The following ADGRL1 variants were observed in gnomAD, a reference collection of about 807,000 sequenced individuals.
The protein encoded by ADGRL1 is adhesion G protein-coupled receptor L1, also known as CIRL-1.
A neutral mutation model predicts 148.9 loss-of-function variants in ADGRL1; 31 were observed. The observed-to-expected ratio is 0.21, with a 90% CI of 0.16 to 0.28. ADGRL1 has a LOEUF of 0.28. Among genes scored for constraint, ADGRL1 ranks in the 10% least tolerant of loss-of-function variants. The pLI is 1.00. For synonymous variants in ADGRL1, 937 were observed against 900.3 expected (o/e 1.04, Z -0.73); for missense variants, 1,521 against 2,058.8 (o/e 0.74, Z 5.05).
intron 1 of ADGRL1, chr19:14,191,229 T>A: frequency 2.2e-6 from 1 of 456,712 alleles, no homozygotes. Flanking sequence ...TCTGTGTCCC[T>A]CAGACTCAGA....
At chr19:14,201,697 T>C (rs1972624717) in intron 1 of ADGRL1, among the ~76,000 whole-genome samples, 1 of 152,088 alleles carries the variant, frequency 6.6e-6, no homozygotes, top group Non-Finnish European at 1.5e-5. Flanking sequence ...TTTACAGGTG[T>C]GAGTCACCAC....
chr19:14,161,473 G>C lies in ADGRL1; in HGVS notation c.1349C>G (p.Pro450Arg). ...GCTGGGGACTGGGGCTGTGGCTGGA[G>C]GCAGATCAGGTCCCAGCTGGTTGAT... ...GAINQLGPDLPPATAPVPSTR... is the reference protein window; with the variant it reads ...GAINQLGPDLRPATAPVPSTR... Residue 450 changes from proline (P) to arginine (R), a missense_variant, in exon 6 of 23, where the codon CCT (proline) becomes CGT (arginine). By Grantham distance (103) the Pro-to-Arg change is moderately radical. Around this residue, in one of 8 missense-constraint regions of ADGRL1, gnomAD observed 270 missense variants for 320.4 expected, o/e 0.84. Coordinates refer to ENST00000361434, the MANE Select transcript of ADGRL1 (RefSeq NM_014921.5). The surrounding 1 kb of genome is among the most constrained non-coding windows in gnomAD (Gnocchi z 4.4). 6.9e-7 allele frequency: 1 copy of C among 1,456,350 alleles called. No individual in the cohort carries two copies. 90.2% of individuals were successfully genotyped at this position (1,456,350 alleles called of 1,614,324 possible). A position where few individuals can be genotyped will look rare whatever the true frequency, so the allele number is the denominator to read the frequency against.
At chr19:14,185,053 G>T (rs1294426816) in intron 1 of ADGRL1, among the ~76,000 whole-genome samples, 1 of 152,036 alleles carries the variant, frequency 6.6e-6, no homozygotes, top group Non-Finnish European at 1.5e-5. Context: ...AAAACTTTGG[G>T]ATTACAGGAG....
intron 1 of ADGRL1, among the ~76,000 whole-genome samples, chr19:14,205,287 C>T (rs1972912553): frequency 6.6e-6 from 1 of 152,022 alleles, no homozygotes; most frequent in Admixed American, 6.5e-5. Flanking sequence ...CACGAATAAT[C>T]CGAGTGGATC....
rs1400293061 is a variant in ADGRL1, at chr19:14,155,541, G to A, written c.3126-14C>T. On this transcript the variant is annotated splice_polypyrimidine_tract_variant and intron_variant, in intron 17 of 22. Transcript: ENST00000361434. The surrounding 1 kb of genome is among the most constrained non-coding windows in gnomAD (Gnocchi z 5.0). The stretch of plus-strand genomic sequence containing the variant: ...AGCGCCCAGGATCTGGGAGTGGGGC[G>A]ACAGGGGAGTCAAAGTACCCGCCGG... 5.0e-6 allele frequency: 8 copies of A among 1,612,718 alleles called. No homozygotes were observed. Among genetic ancestry groups the A allele is most frequent in the African/African-American group, 4.0e-5 (3 of 75,044 alleles).
rs1968850987 is a variant in ADGRL1 at position 14,157,161 on chromosome 19, A to C, written c.2746-16T>G. On this transcript the variant is annotated splice_polypyrimidine_tract_variant and intron_variant, in intron 14 of 22. Coordinates refer to ENST00000361434, the MANE Select transcript of ADGRL1 (RefSeq NM_014921.5). This position sits in a 1 kb window ranked among gnomAD's most constrained non-coding sequence, Gnocchi z 7.5. Reference sequence around the variant, plus strand: ...GGCAGGCAATCTGCGGGGAGCACTGAGGGTGAGGGGCTGCTGCCTGGACAG... The same window carrying C: ...GGCAGGCAATCTGCGGGGAGCACTGCGGGTGAGGGGCTGCTGCCTGGACAG... 2 of 1,613,768 alleles carry C rather than the reference A, an allele frequency of 1.2e-6. No homozygotes were observed. Among genetic ancestry groups the C allele is most frequent in the Non-Finnish European group, 1.7e-6 (2 of 1,179,818 alleles).
intron 16 of ADGRL1, among the ~76,000 whole-genome samples, 165 bp downstream of exon 16, chr19:14,156,493 C>T (rs963827436): frequency 6.6e-6 from 1 of 150,942 alleles, no homozygotes; most frequent in African/African-American, 2.4e-5. Flanking sequence ...GCTCCATGGA[C>T]CCAGCACACT....
Position 14,150,693 on chromosome 19 carries a change from C to T in ADGRL1, c.*180G>A, listed in dbSNP as rs1968072100. 1.5e-6 allele frequency: 1 copy of T among 675,326 alleles called. No homozygotes were observed. Among genetic ancestry groups the T allele is most frequent in the Non-Finnish European group, 2.4e-6 (1 of 416,646 alleles). The allele number at this position is 675,326 out of a possible 1,614,324, so 41.8% of individuals were successfully genotyped here. On this transcript the variant is annotated 3_prime_UTR_variant, in exon 23 of 23. Coordinates refer to ENST00000361434, the MANE Select transcript of ADGRL1 (RefSeq NM_014921.5). Reference sequence around the variant, plus strand: ...TGGTGGGAAACCCTGTCTGTGAACCCTGGCACCTCAGGCCCCCAGGTTAGA... The same window carrying T: ...TGGTGGGAAACCCTGTCTGTGAACCTTGGCACCTCAGGCCCCCAGGTTAGA...
At chr19:14,168,766 G>C (rs1403947382) in intron 4 of ADGRL1, 1 of 152,066 alleles carries the variant, frequency 6.6e-6, no homozygotes, top group Non-Finnish European at 1.5e-5. Flanking sequence ...TTTTAATTTT[G>C]ATTACCACAG....
intron 3 of ADGRL1, among the ~76,000 whole-genome samples, chr19:14,176,012 CCACTG>C (rs1360277758): frequency 2.0e-5 from 3 of 151,532 alleles, no homozygotes; most frequent in Non-Finnish European, 4.4e-5. Flanking sequence ...TGAGATCACA[CCACTG>C]CACTGCAGCC....
Position 14,151,004 on chromosome 19 carries a change from C to T in ADGRL1, c.4279G>A (p.Val1427Met), listed in dbSNP as rs776550699. 1.3e-6 allele frequency: 2 copies of T among 1,581,870 alleles called. No homozygotes were observed. Among genetic ancestry groups the T allele is most frequent in the South Asian group, 2.3e-5 (2 of 87,622 alleles). The change falls in exon 23 of 23, where the codon GTG (valine) becomes ATG (methionine). Residue 1427 changes from valine to methionine, a missense_variant. Val to Met is a conservative substitution (Grantham distance 21). Around this residue, in one of 8 missense-constraint regions of ADGRL1, gnomAD observed 390 missense variants for 375.0 expected, o/e 1.04. Coordinates refer to ENST00000361434, the MANE Select transcript of ADGRL1 (RefSeq NM_014921.5). ...TAGCCCTGCAGGGGATTCCGGGCCA[C>T]CAGGGCTGGCGGGCGCGAGGTGTAG... is the stretch of plus-strand genomic sequence containing the variant. ...IYYTSRPPAL[V>M]ARNPLQGYYQ... is the part of the protein sequence containing the mutation.
rs1470644164 is a variant in ADGRL1, at chr19:14,157,032, G to A, written c.2859C>T (p.Ser953=). 1 of 1,613,972 alleles carries A rather than the reference G, an allele frequency of 6.2e-7. No individual in the cohort carries two copies. Residue 953 remains serine, a synonymous_variant, in exon 15 of 23, where the codon AGC becomes AGT. Transcript: ENST00000361434. The surrounding 1 kb of genome is among the most constrained non-coding windows in gnomAD (Gnocchi z 7.5). ...LYLLLVEVFE[S]EYSRTKYYYL... ...AGTAGTACTTGGTGCGGGAATACTC[G>A]CTCTCAAACACCTCCACTAGTAGCA... is the stretch of plus-strand genomic sequence containing the variant.
chr19:14,155,212 G>A lies in ADGRL1; in HGVS notation c.3294+147C>T. The A allele has an allele frequency of 1.1e-6, 1 of 900,848 alleles. No individual in the cohort carries two copies. Among genetic ancestry groups the A allele is most frequent in the South Asian group, 1.7e-5 (1 of 58,654 alleles). The allele number at this position is 900,848 out of a possible 1,614,324, so 55.8% of individuals were successfully genotyped here. A position where few individuals can be genotyped will look rare whatever the true frequency, so the allele number is the denominator to read the frequency against. On this transcript the variant is annotated intron_variant, in intron 18 of 22. Transcript: ENST00000361434. This position sits in a 1 kb window ranked among gnomAD's most constrained non-coding sequence, Gnocchi z 5.0. ...CTGAGCTCGTGCTCCCCTCCCGGTG[G>A]ACGCAGACCTGACCACAGAAGCCCT... is the stretch of plus-strand genomic sequence containing the variant.
At chr19:14,174,428 C>T (rs1402698830) in intron 3 of ADGRL1, among the ~76,000 whole-genome samples, 2 of 152,024 alleles carry the variant, frequency 1.3e-5, no homozygotes, top group Non-Finnish European at 2.9e-5. Context: ...TGCCTCCAGC[C>T]CAGCCCAGCC....
chr19:14,174,481 CCTCTCCTG>C (rs1970682778), intron 3 of ADGRL1, among the ~76,000 whole-genome samples: 1 of 152,028 alleles, frequency 6.6e-6, no homozygotes, highest in Non-Finnish European at 1.5e-5. Context: ...CCTGCCCAAA[CCTCTCCTG>C]CTCTCCTGGG....
chr19:14,151,629 A>G lies in ADGRL1; in HGVS notation c.3668-14T>C. 6.3e-7 allele frequency: 1 copy of G among 1,580,462 alleles called. No homozygotes were observed. Among genetic ancestry groups the G allele is most frequent in the Non-Finnish European group, 8.5e-7 (1 of 1,170,682 alleles). ...CCAAGGGGTGCTCTGCAGGGCAGAAAGGGGCTGGTCAGGTTGAAGAGGGGC... is the reference window on the plus strand; with the variant it reads ...CCAAGGGGTGCTCTGCAGGGCAGAAGGGGGCTGGTCAGGTTGAAGAGGGGC... On this transcript the variant is annotated splice_polypyrimidine_tract_variant and intron_variant, in intron 22 of 22. Transcript: ENST00000361434.
At chr19:14,203,212 G>T (rs1274815737) in intron 1 of ADGRL1, among the ~76,000 whole-genome samples, 1 of 152,236 alleles carries the variant, frequency 6.6e-6, no homozygotes, top group Non-Finnish European at 1.5e-5. Flanking sequence ...CCACAGAGGG[G>T]CTGGAGGAGG....
Position 14,152,777 on chromosome 19 carries a change from C to T in ADGRL1, c.3423+7G>A. 1.2e-6 allele frequency: 2 copies of T among 1,613,916 alleles called. No individual in the cohort carries two copies. The highest frequency in any genetic ancestry group is 1.7e-6 in the Non-Finnish European group (2 of 1,179,870). ...TCAGCCCCAGGGAGTCCTGTCTGGC[C>T]CGATACCTGGGTCCCTGTGTAGTAG... On this transcript the variant is annotated splice_region_variant and intron_variant, in intron 19 of 22. Coordinates refer to ENST00000361434, the MANE Select transcript of ADGRL1 (RefSeq NM_014921.5). This position sits in a 1 kb window ranked among gnomAD's most constrained non-coding sequence, Gnocchi z 6.1.
intron 12 of ADGRL1, 26 bp downstream of exon 12, chr19:14,158,312 G>A (rs1445172854): frequency 1.9e-6 from 3 of 1,595,078 alleles, no homozygotes; most frequent in Non-Finnish European, 2.6e-6. Context: ...GGACCCCCAT[G>A]GAGGGAGGGG....
Sources: gnomAD v4.1 joint callset for allele counts (sites outside exome capture counted in the v4.1 genomes callset) on GRCh38, gnomAD v4.1.1 for gene constraint, gnomAD v4.1.1 regional missense constraint, Gnocchi (gnomAD v3.1) non-coding constraint, MANE v1.5 for transcripts, NCBI Gene and HGNC (gene_info 2026-07-23, HGNC 2026-07-21) for gene names.